Variants in CYP27A1 observed in about 807,000 individuals in gnomAD.
The protein encoded by CYP27A1 is sterol 26-hydroxylase, mitochondrial.
Under a neutral mutation model 58.2 loss-of-function variants are expected in CYP27A1, and 46 were observed. The observed-to-expected ratio is 0.79, with a 90% confidence interval of 0.62 to 1.01. The LOEUF (loss-of-function observed/expected upper bound fraction) is 1.01, where lower values mean the gene tolerates loss of function less well. Among genes scored for constraint, CYP27A1 ranks in the 50% least tolerant of loss-of-function variants. The pLI, the probability that CYP27A1 is intolerant of heterozygous loss-of-function variation, is 0.00. For synonymous variants in CYP27A1, 274 were observed against 285.1 expected (o/e 0.96, Z 0.39); for missense variants, 704 against 687.0 (o/e 1.02, Z -0.28).
chr2:218,792,533 T>C (rs1444733876), intron 1 of CYP27A1, among the ~76,000 whole-genome samples: 1 of 152,206 alleles, frequency 6.6e-6, no homozygotes, highest in Non-Finnish European at 1.5e-5. Context: ...CAAGAGTGCT[T>C]CTCAGGGTTC....
At chr2:218,801,926 G>A (rs1943603113) in intron 1 of CYP27A1, among the ~76,000 whole-genome samples, 1 of 150,090 alleles carries the variant, frequency 6.7e-6, no homozygotes, top group African/African-American at 2.5e-5. Context: ...AATGGAGCCT[G>A]CATTTGACTT....
intron 1 of CYP27A1, among the ~76,000 whole-genome samples, chr2:218,794,292 A>G (rs958290661): frequency 6.6e-6 from 1 of 152,200 alleles, no homozygotes; most frequent in Non-Finnish European, 1.5e-5. Flanking sequence ...GGATTGGGAT[A>G]AGGATGAAGA....
At chr2:218,787,190 C>T (rs1253805748) in intron 1 of CYP27A1, among the ~76,000 whole-genome samples, 1 of 152,156 alleles carries the variant, frequency 6.6e-6, no homozygotes, top group Non-Finnish European at 1.5e-5. Flanking sequence ...CCTCTTTCCC[C>T]CAAGTGCCAG....
chr2:218,790,490 G>A (rs1943481872), intron 1 of CYP27A1, among the ~76,000 whole-genome samples: 2 of 152,162 alleles, frequency 1.3e-5, no homozygotes, highest in African/African-American at 2.4e-5. Context: ...CAGTCTCTTT[G>A]TTAATCCCCT....
rs1559384658 is a variant in CYP27A1, at chr2:218,782,436, A to G, written c.254A>G (p.Gln85Arg). ...QGYALQLHQL[Q>R]VLYKAKYGPM... ...TATGCCCTGCAACTGCACCAGTTAC[A>G]GGTAACCCGCGGGGGCATCGCGTCC... The change falls in exon 1 of 9, where the codon CAG becomes CGG. Residue 85 changes from glutamine to arginine, a missense_variant and splice_region_variant. Coordinates refer to ENST00000258415, the MANE Select transcript of CYP27A1 (RefSeq NM_000784.4). This position sits in a 1 kb window ranked among gnomAD's most constrained non-coding sequence, Gnocchi z 4.1. The G allele has an allele frequency of 3.1e-6, 5 of 1,614,190 alleles. No homozygotes were observed. The East Asian group carries it at 1.1e-4, about 36-fold the overall frequency.
At chr2:218,814,886 A>G in intron 8 of CYP27A1, 25 bp from the exon 9 acceptor site, 1 of 1,614,184 alleles carries the variant, frequency 6.2e-7, no homozygotes, top group Non-Finnish European at 8.5e-7. Flanking sequence ...AATCCACCCA[A>G]CCACATGTGC....
intron 1 of CYP27A1, among the ~76,000 whole-genome samples, chr2:218,785,592 A>T (rs1183791241): frequency 6.6e-6 from 1 of 152,018 alleles, no homozygotes; most frequent in Non-Finnish European, 1.5e-5. Context: ...TGGCTTTAGG[A>T]TGAGGAAGAG....
chr2:218,809,655 C>G lies in CYP27A1; in HGVS notation c.334C>G (p.Pro112Ala). 6.2e-7 allele frequency: 1 copy of G among 1,614,100 alleles called. No individual in the cohort carries two copies. Among genetic ancestry groups the G allele is most frequent in the South Asian group, 1.1e-5 (1 of 91,084 alleles). Residue 112 changes from proline to alanine, a missense_variant, in exon 2 of 9, where the codon CCG (proline) becomes GCG (alanine). Transcript: ENST00000258415. ...GATGCACGTGAACCTGGCCAGTGCC[C>G]CGCTCTTGGAGCAAGTGATGCGGCA... is the stretch of plus-strand genomic sequence containing the variant. Reference protein sequence around the residue: ...PQMHVNLASAPLLEQVMRQEG... With the variant: ...PQMHVNLASAALLEQVMRQEG...
At chr2:218,804,440 CT>C (rs1943631167) in intron 1 of CYP27A1, among the ~76,000 whole-genome samples, 1 of 152,206 alleles carries the variant, frequency 6.6e-6, no homozygotes, top group Non-Finnish European at 1.5e-5. Context: ...GTTTTGATTA[CT>C]GTAGCTTTGC....
intron 1 of CYP27A1, among the ~76,000 whole-genome samples, chr2:218,794,133 G>A (rs1943523207): frequency 6.6e-6 from 1 of 152,216 alleles, no homozygotes; most frequent in Non-Finnish European, 1.5e-5. Flanking sequence ...TGGTACGGGA[G>A]AGGACAAGCT....
chr2:218,813,506 A>G (rs1943746619), intron 5 of CYP27A1, among the ~76,000 whole-genome samples: 1 of 151,902 alleles, frequency 6.6e-6, no homozygotes. Context: ...GCTGACTGCA[A>G]CCTCTGCCTC....
intron 1 of CYP27A1, among the ~76,000 whole-genome samples, chr2:218,807,556 T>C (rs1050647988): frequency 2.0e-5 from 3 of 152,178 alleles, no homozygotes; most frequent in Non-Finnish European, 2.9e-5. Flanking sequence ...CAATAGAACA[T>C]GATACACACT....
rs1412131572 is a variant in CYP27A1, at chr2:218,797,225, G to A, written c.256-12352G>A. ...AGCAATTCTCCTGCCTCAGCCTCCT[G>A]AGTAGCTGGGATTACAGGCGCCCAC... On this transcript the variant is annotated intron_variant, in intron 1 of 8. Transcript: ENST00000258415. Among the ~76,000 whole-genome samples the A allele has an allele frequency of 2.0e-5, 3 of 151,950 alleles. No homozygotes were observed. In the East Asian group the frequency reaches 5.8e-4, roughly 29 times the overall value.
At chr2:218,785,899 A>G (rs571115723) in intron 1 of CYP27A1, among the ~76,000 whole-genome samples, 2 of 152,340 alleles carry the variant, frequency 1.3e-5, no homozygotes, top group South Asian at 2.1e-4. Context: ...GGCTCAAACT[A>G]TAAAGCAGCT....
chr2:218,811,395 T>C (rs1377214551), intron 2 of CYP27A1, among the ~76,000 whole-genome samples: 2 of 152,150 alleles, frequency 1.3e-5, no homozygotes, highest in Non-Finnish European at 2.9e-5. Context: ...ACAGCTAGCC[T>C]TTTAAAAAAA....
At chr2:218,809,553 T>C (rs1256635733) in intron 1 of CYP27A1, 24 bp from the exon 2 acceptor site, 1 of 1,602,688 alleles carries the variant, frequency 6.2e-7, no homozygotes, top group East Asian at 2.3e-5. Context: ...GGCCCAGTTA[T>C]TCAGTTTTGA....
chr2:218,806,951 A>ATTTTTTTTTTTTTTTTTTTT (rs10647379), intron 1 of CYP27A1, among the ~76,000 whole-genome samples: 1 of 100,512 alleles, frequency 9.9e-6, no homozygotes, highest in Admixed American at 1.2e-4. Context: ...CTCCTAGGGA[A>ATTTTTTTTTTTTTTTTTTTT]TTTTTTTTTT....
intron 8 of CYP27A1, 49 bp from the exon 9 acceptor site, chr2:218,814,862 G>C (rs754657308): frequency 8.4e-5 from 135 of 1,614,024 alleles, no homozygotes; most frequent in Admixed American, 2.7e-4. Context: ...GCGGGGAGTG[G>C]ATGGCAAACA....
chr2:218,799,360 A>C (rs892091642), intron 1 of CYP27A1, among the ~76,000 whole-genome samples: 2 of 152,182 alleles, frequency 1.3e-5, no homozygotes, highest in African/African-American at 2.4e-5. Flanking sequence ...TGGGAAGCAT[A>C]AACAAACTTT....
Sources: gnomAD v4.1 joint callset for allele counts (sites outside exome capture counted in the v4.1 genomes callset) on GRCh38, gnomAD v4.1.1 for gene constraint, Gnocchi (gnomAD v3.1) non-coding constraint, MANE v1.5 for transcripts, NCBI Gene and HGNC (gene_info 2026-07-23, HGNC 2026-07-21) for gene names.